UGDH: variants seen among roughly 807,000 people sequenced by gnomAD.
UGDH encodes UDP-glucose 6-dehydrogenase, also known as UDP-Glc dehydrogenase.
A neutral mutation model predicts 50.6 loss-of-function variants in UGDH; 38 were observed. The ratio of observed to expected loss-of-function variants is 0.75; its 90% confidence interval spans 0.58 to 0.98. The LOEUF (loss-of-function observed/expected upper bound fraction) is 0.98. UGDH is among the 50% of genes least tolerant of loss of function. The probability of loss-of-function intolerance (pLI) is 0.00; values close to 1 mark genes in which losing one functional copy is unlikely to be tolerated. For missense variants in UGDH, 465 were observed against 606.2 expected (o/e 0.77, Z 2.45); for synonymous variants, 168 against 199.9 (o/e 0.84, Z 1.35).
chr4:39,505,716 C>T lies in UGDH; in HGVS notation c.939G>A (p.Arg313=). 1.2e-6 allele frequency: 2 copies of T among 1,609,086 alleles called. No homozygotes were observed. The highest frequency in any genetic ancestry group is 1.7e-6 in the Non-Finnish European group (2 of 1,177,238). ...GACTATCTATGATCCGGGAAGCAAACCTCCTCCTCTGGTAGTCATTCATGT... is the reference window on the plus strand; with the variant it reads ...GACTATCTATGATCCGGGAAGCAAATCTCCTCCTCTGGTAGTCATTCATGT... ...VIDMNDYQRR[R]FASRIIDSLF... is the part of the protein sequence containing the mutation. The change falls in exon 8 of 12, where the codon AGG becomes AGA. Residue 313 remains arginine (R), a synonymous_variant. Transcript: ENST00000316423.
At chr4:39,502,522 G>A (rs1745859708) in intron 11 of UGDH, among the ~76,000 whole-genome samples, 2 of 152,072 alleles carry the variant, frequency 1.3e-5, no homozygotes, top group South Asian at 4.2e-4. Flanking sequence ...CTGCTTGCTT[G>A]GGCACTACAT....
At chr4:39,515,661 G>A (rs115161785) in intron 2 of UGDH, among the ~76,000 whole-genome samples, 3 of 152,022 alleles carry the variant, frequency 2.0e-5, no homozygotes, top group African/African-American at 7.2e-5. Flanking sequence ...TAAAGAATAA[G>A]TTGAAAAACT....
chr4:39,518,619 TAA>T (rs71645106), intron 2 of UGDH, among the ~76,000 whole-genome samples: 68 of 136,794 alleles, frequency 5.0e-4, no homozygotes, highest in Admixed American at 1.2e-3. Flanking sequence ...GGTTGGCCTT[TAA>T]AAAAAAAAAA....
intron 1 of UGDH, 143 bp from the exon 2 acceptor site, chr4:39,521,662 G>A: frequency 1.6e-6 from 1 of 638,464 alleles, no homozygotes; most frequent in South Asian, 4.8e-5. Flanking sequence ...GAGGAATTAT[G>A]GAAATAGTGA....
chr4:39,511,677 C>T (rs1746251644), intron 3 of UGDH, among the ~76,000 whole-genome samples: 1 of 150,994 alleles, frequency 6.6e-6, no homozygotes. Flanking sequence ...CTATCATCTT[C>T]AGGATATAGA....
rs762601308 is a variant in UGDH, at chr4:39,517,306, G to A, written c.163-3122C>T. On this transcript the variant is annotated intron_variant, in intron 2 of 11. Coordinates refer to ENST00000316423, the MANE Select transcript of UGDH (RefSeq NM_003359.4). Reference sequence around the variant, plus strand: ...CAACCTCCACCTCCTGGGTTCAAGCGATTCTCCTGCCTCAGCCTCCCAAGT... The same window carrying A: ...CAACCTCCACCTCCTGGGTTCAAGCAATTCTCCTGCCTCAGCCTCCCAAGT... Among the ~76,000 whole-genome samples the A allele has an allele frequency of 5.3e-5, 8 of 151,492 alleles. No individual in the cohort carries two copies. The South Asian group carries it at 6.2e-4, about 12-fold the overall frequency.
chr4:39,513,999 C>T, intron 3 of UGDH, 84 bp downstream of exon 3: 1 of 1,152,856 alleles, frequency 8.7e-7, no homozygotes, highest in Non-Finnish European at 1.2e-6. Context: ...GGCTTAATAC[C>T]AATGGATTTA....
intron 2 of UGDH, among the ~76,000 whole-genome samples, chr4:39,520,233 C>T (rs532668066): frequency 1.3e-5 from 2 of 152,116 alleles, no homozygotes; most frequent in South Asian, 2.1e-4. Context: ...CAGCTACTAA[C>T]GAGATTGAGG....
chr4:39,519,860 T>A (rs372732411), intron 2 of UGDH, among the ~76,000 whole-genome samples: 2 of 152,176 alleles, frequency 1.3e-5, no homozygotes, highest in South Asian at 4.1e-4. Flanking sequence ...CTAAATCTGA[T>A]TCAGATATAA....
At chr4:39,502,069 A>G (rs1400683573) in intron 11 of UGDH, among the ~76,000 whole-genome samples, 4 of 152,230 alleles carry the variant, frequency 2.6e-5, no homozygotes, top group Admixed American at 2.0e-4. Flanking sequence ...CTCACTAGGA[A>G]AGTTAACTTT....
At chr4:39,527,065 A>T (rs1023310317) in intron 1 of UGDH, 28 of 1,289,318 alleles carry the variant, frequency 2.2e-5, no homozygotes, top group Non-Finnish European at 2.8e-5. Context: ...GTCTTGAATA[A>T]GAAGCCCAGA....
At position 39,502,797 on chromosome 4, in the gene UGDH, C is replaced by A. The variant is rs577978177; in HGVS notation, c.1374+1078G>T. On this transcript the variant is annotated intron_variant, in intron 11 of 11. Coordinates refer to ENST00000316423, the MANE Select transcript of UGDH (RefSeq NM_003359.4). The stretch of plus-strand genomic sequence containing the variant: ...GGTCTTGCTCTGTCACCCAGGCTGG[C>A]ATGCAATGGCATGATCTCAGCTCAT... Among the ~76,000 whole-genome samples, 247 of 151,594 alleles carry A rather than the reference C, an allele frequency of 1.6e-3. 1 individual carries two copies. Among genetic ancestry groups the A allele is most frequent in the African/African-American group, 5.8e-3 (240 of 41,240 alleles).
intron 1 of UGDH, 76 bp downstream of exon 1, chr4:39,527,207 C>G: frequency 9.4e-7 from 1 of 1,068,836 alleles, no homozygotes; most frequent in Non-Finnish European, 1.2e-6. Context: ...CACCCCAGCC[C>G]CGCTCCCTCC....
At chr4:39,515,673 C>T (rs956065617) in intron 2 of UGDH, among the ~76,000 whole-genome samples, 1 of 152,006 alleles carries the variant, frequency 6.6e-6, no homozygotes, top group Non-Finnish European at 1.5e-5. Context: ...TGAAAAACTC[C>T]AAGGAACTGA....
At chr4:39,501,485 G>A (rs1445858278) in intron 11 of UGDH, among the ~76,000 whole-genome samples, 1 of 147,430 alleles carries the variant, frequency 6.8e-6, no homozygotes, top group Admixed American at 6.8e-5. Flanking sequence ...GTGTTAGCCA[G>A]GATGGTCTCG....
In UGDH at chr4:39,500,256, GA is replaced by G. The variant is rs541882859; in HGVS notation, c.1375-4del. The G allele has an allele frequency of 1.3e-4, 198 of 1,506,874 alleles. No homozygotes were observed. Among genetic ancestry groups the G allele is most frequent in the South Asian group, 3.7e-4 (29 of 78,072 alleles). The allele number at this position is 1,506,874 out of a possible 1,614,324, so 93.3% of individuals were successfully genotyped here. A position where few individuals can be genotyped will look rare whatever the true frequency, so the allele number is the denominator to read the frequency against. On this transcript the variant is annotated splice_polypyrimidine_tract_variant and splice_region_variant and intron_variant, in intron 11 of 11. Transcript: ENST00000316423. The stretch of plus-strand genomic sequence containing the variant: ...ACCTTTTTGCCAATTGTTTCAATCT[GA>G]AAAAAAAATAAAATTTAAGAGAACT...
intron 11 of UGDH, among the ~76,000 whole-genome samples, chr4:39,503,254 T>A (rs1386266575): frequency 6.6e-6 from 1 of 152,198 alleles, no homozygotes; most frequent in Non-Finnish European, 1.5e-5. Context: ...TTCACCATGT[T>A]GGCTAGGCTG....
In UGDH at chr4:39,521,439, T is replaced by C. The variant is rs374505735; in HGVS notation, c.74A>G (p.His25Arg). Reference protein sequence around the residue: ...VGGPTCSVIAHMCPEIRVTVV... With the variant: ...VGGPTCSVIARMCPEIRVTVV... ...CGTTACCCTGATTTCAGGACACATA[T>C]GAGCAATGACACTACATGTGGGTCC... is the stretch of plus-strand genomic sequence containing the variant. The change falls in exon 2 of 12, where the codon CAT becomes CGT. Residue 25 changes from histidine to arginine, a missense_variant. Physicochemically the swap from His to Arg is conservative, Grantham distance 29 (BLOSUM62 0). Transcript: ENST00000316423. The C allele has an allele frequency of 1.9e-6, 3 of 1,613,380 alleles. No individual in the cohort carries two copies.
At chr4:39,520,167 C>T (rs1481181695) in intron 2 of UGDH, among the ~76,000 whole-genome samples, 4 of 152,082 alleles carry the variant, frequency 2.6e-5, no homozygotes, top group Admixed American at 6.5e-5. Flanking sequence ...GGCGAAACCT[C>T]GTCTCTACTA....
Sources: gnomAD v4.1 joint callset for allele counts (sites outside exome capture counted in the v4.1 genomes callset) on GRCh38, gnomAD v4.1.1 for gene constraint, MANE v1.5 for transcripts, NCBI Gene and HGNC (gene_info 2026-07-23, HGNC 2026-07-21) for gene names.